Variants in RETREG1 observed in about 807,000 individuals in gnomAD.
The protein encoded by RETREG1 is family with sequence similarity 134 member B.
A neutral mutation model predicts 54.8 loss-of-function variants in RETREG1; 44 were observed. The ratio of observed to expected loss-of-function variants is 0.80; its 90% CI spans 0.63 to 1.03. The LOEUF (loss-of-function observed/expected upper bound fraction) is 1.03, where lower values mean the gene tolerates loss of function less well. Ranked by LOEUF, RETREG1 falls within the 50% of genes least tolerant of loss-of-function variation. The pLI, the probability that RETREG1 is intolerant of heterozygous loss-of-function variation, is 0.00. For synonymous variants in RETREG1, 217 were observed against 238.5 expected (o/e 0.91, Z 0.83); for missense variants, 554 against 605.1 (o/e 0.92, Z 0.89).
intron 1 of RETREG1, among the ~76,000 whole-genome samples, chr5:16,589,871 A>T (rs1742712985): frequency 6.6e-6 from 1 of 152,336 alleles, no homozygotes; most frequent in Admixed American, 6.5e-5. Flanking sequence ...CTTCCAGTTG[A>T]ACTTTGATGA....
At chr5:16,504,303 G>A (rs376631610) in intron 3 of RETREG1, among the ~76,000 whole-genome samples, 46 of 152,156 alleles carry the variant, frequency 3.0e-4, no homozygotes, top group African/African-American at 9.9e-4. Flanking sequence ...CCAGTCTATC[G>A]TTGATGGGCA....
At chr5:16,521,791 A>G (rs950626924) in intron 3 of RETREG1, among the ~76,000 whole-genome samples, 1 of 152,250 alleles carries the variant, frequency 6.6e-6, no homozygotes, top group Non-Finnish European at 1.5e-5. Context: ...GGTTTAAAGG[A>G]TTTCAGTCCT....
rs1157304573 is a variant in RETREG1, at chr5:16,616,958, G to C, written c.14C>G (p.Ala5Gly). 18 of 1,433,472 alleles carry C rather than the reference G, an allele frequency of 1.3e-5. No homozygotes were observed. In the East Asian group the frequency reaches 4.6e-4, roughly 36 times the overall value. The allele number at this position is 1,433,472 out of a possible 1,614,324, so 88.8% of individuals were successfully genotyped here. Residue 5 changes from alanine (A) to glycine (G), a missense_variant, in exon 1 of 9, where the codon GCG becomes GGG. Physicochemically the swap from Ala to Gly is moderately conservative, Grantham distance 60. Transcript: ENST00000306320. MASP[A>G]PPEHAEEGCP... ...TCCCTCCTCGGCGTGCTCCGGAGGC[G>C]CCGGGCTCGCCATCTTCAGCTGTGC...
chr5:16,589,803 T>C (rs938258152), intron 1 of RETREG1, among the ~76,000 whole-genome samples: 2 of 152,184 alleles, frequency 1.3e-5, no homozygotes, highest in East Asian at 1.9e-4. Context: ...TGACAAATAT[T>C]TGGGCACCAA....
chr5:16,602,480 C>T (rs547142329), intron 1 of RETREG1, among the ~76,000 whole-genome samples: 3 of 152,144 alleles, frequency 2.0e-5, no homozygotes, highest in East Asian at 3.9e-4. Context: ...CACTGGGAAC[C>T]GTGAGGCTGA....
At chr5:16,552,415 A>T (rs937827896) in intron 3 of RETREG1, among the ~76,000 whole-genome samples, 1 of 152,210 alleles carries the variant, frequency 6.6e-6, no homozygotes, top group Non-Finnish European at 1.5e-5. Flanking sequence ...GGAAGGAAAG[A>T]CTTTGGAGAG....
intron 3 of RETREG1, among the ~76,000 whole-genome samples, chr5:16,556,123 G>A (rs1341741289): frequency 1.3e-5 from 2 of 151,808 alleles, no homozygotes; most frequent in Admixed American, 1.3e-4. Flanking sequence ...AAGCAGCTGT[G>A]TAGGCCCAAG....
intron 1 of RETREG1, among the ~76,000 whole-genome samples, chr5:16,599,857 C>T (rs1242566318): frequency 6.6e-6 from 1 of 152,174 alleles, no homozygotes; most frequent in Non-Finnish European, 1.5e-5. Flanking sequence ...CAACAAACAT[C>T]TGGAAGATGG....
At chr5:16,544,883 C>T (rs1287620758) in intron 3 of RETREG1, among the ~76,000 whole-genome samples, 2 of 152,172 alleles carry the variant, frequency 1.3e-5, no homozygotes, top group Non-Finnish European at 2.9e-5. Flanking sequence ...TTTGTTCAGA[C>T]TCCAAAGTTT....
chr5:16,584,902 A>G, intron 1 of RETREG1, among the ~76,000 whole-genome samples: 1 of 152,216 alleles, frequency 6.6e-6, no homozygotes, highest in Non-Finnish European at 1.5e-5. Flanking sequence ...AAGGACGATC[A>G]TCCGAAAATG....
At chr5:16,551,038 T>C (rs1038509660) in intron 3 of RETREG1, among the ~76,000 whole-genome samples, 2 of 152,218 alleles carry the variant, frequency 1.3e-5, no homozygotes, top group African/African-American at 2.4e-5. Context: ...TTGCACCACC[T>C]TGTAAATGTA....
chr5:16,509,076 C>T (rs1282848634), intron 3 of RETREG1: 33 of 971,226 alleles, frequency 3.4e-5, no homozygotes, highest in Non-Finnish European at 3.9e-5. Flanking sequence ...AGGCACCCAC[C>T]TAAGGGTGGA....
intron 2 of RETREG1, among the ~76,000 whole-genome samples, chr5:16,569,175 A>G (rs1007685791): frequency 4.6e-5 from 7 of 152,134 alleles, no homozygotes; most frequent in African/African-American, 1.2e-4. Context: ...GGGCTCCCCA[A>G]TGGGCCTTTG....
At chr5:16,483,239 A>C (rs1738881548) in intron 4 of RETREG1, 107 bp downstream of exon 4, 1 of 1,295,464 alleles carries the variant, frequency 7.7e-7, no homozygotes. Context: ...TTCTTAGTAT[A>C]TTATATTTAA....
At chr5:16,519,214 A>G (rs1297770793) in intron 3 of RETREG1, among the ~76,000 whole-genome samples, 1 of 152,202 alleles carries the variant, frequency 6.6e-6, no homozygotes, top group Non-Finnish European at 1.5e-5. Context: ...GTGGAATCAC[A>G]CTGAGACTTG....
chr5:16,484,381 A>G (rs1261958691), intron 3 of RETREG1, among the ~76,000 whole-genome samples: 1 of 152,210 alleles, frequency 6.6e-6, no homozygotes, highest in African/African-American at 2.4e-5. Flanking sequence ...CCTCAAATTC[A>G]TTCATTTAAG....
intron 6 of RETREG1, 130 bp downstream of exon 6, chr5:16,478,720 G>A (rs887525337): frequency 2.3e-5 from 19 of 808,800 alleles, no homozygotes; most frequent in Non-Finnish European, 3.8e-5. Flanking sequence ...TAACTTTGAG[G>A]GAGATTAGCT....
chr5:16,504,575 T>C (rs146778013), intron 3 of RETREG1, among the ~76,000 whole-genome samples: 1 of 152,288 alleles, frequency 6.6e-6, no homozygotes, highest in East Asian at 1.9e-4. Flanking sequence ...GTGTCAACCC[T>C]ACTGACCTTT....
At chr5:16,596,772 G>A (rs1407743126) in intron 1 of RETREG1, among the ~76,000 whole-genome samples, 4 of 152,174 alleles carry the variant, frequency 2.6e-5, no homozygotes, top group South Asian at 2.1e-4. Context: ...TTCTGTGTGA[G>A]TGCCTGGAGA....
Sources: gnomAD v4.1 joint callset for allele counts (sites outside exome capture counted in the v4.1 genomes callset) on GRCh38, gnomAD v4.1.1 for gene constraint, MANE v1.5 for transcripts, NCBI Gene and HGNC (gene_info 2026-07-23, HGNC 2026-07-21) for gene names.